B3GALT1: variants seen among roughly 807,000 people sequenced by gnomAD.
The protein encoded by B3GALT1 is UDP-Gal:betaGlcNAc beta 1,3-galactosyltransferase, polypeptide 1.
In B3GALT1, 10 loss-of-function variants were observed where a neutral mutation model predicts 23.2. That is an observed-to-expected ratio of 0.43 (90% CI 0.27 to 0.73). B3GALT1 has a LOEUF of 0.73. Among genes scored for constraint, B3GALT1 ranks in the 30% least tolerant of loss-of-function variants. B3GALT1 has a pLI of 0.21. For synonymous variants in B3GALT1, 156 were observed against 141.5 expected (o/e 1.10, Z -0.73); for missense variants, 299 against 405.4 (o/e 0.74, Z 2.25).
At chr2:167,393,200 C>G (rs902495789) in intron 1 of B3GALT1, among the ~76,000 whole-genome samples, 1 of 150,266 alleles carries the variant, frequency 6.7e-6, no homozygotes, top group Non-Finnish European at 1.5e-5. Flanking sequence ...CGCCACTGCA[C>G]TCCAGCCTGG....
chr2:167,368,260 G>T (rs1274484587), intron 1 of B3GALT1, among the ~76,000 whole-genome samples: 4 of 152,136 alleles, frequency 2.6e-5, no homozygotes, highest in African/African-American at 9.7e-5. Context: ...ATCCTCAATT[G>T]CCTTGGAATT....
At chr2:167,646,245 G>A (rs1342451385) in intron 2 of B3GALT1, among the ~76,000 whole-genome samples, 1 of 152,180 alleles carries the variant, frequency 6.6e-6, no homozygotes, top group Non-Finnish European at 1.5e-5. Flanking sequence ...GCTGTTCTAA[G>A]TGAACCAGCA....
chr2:167,729,705 C>T (rs1297359389), intron 3 of B3GALT1, among the ~76,000 whole-genome samples: 2 of 152,082 alleles, frequency 1.3e-5, no homozygotes, highest in East Asian at 3.9e-4. Context: ...CACATCCATC[C>T]GTCCTTTCTA....
chr2:167,651,279 C>T (rs897221823), intron 3 of B3GALT1, among the ~76,000 whole-genome samples: 4 of 141,138 alleles, frequency 2.8e-5, no homozygotes, highest in South Asian at 2.3e-4. Context: ...TGTGCGCGCA[C>T]GTGCACACAT....
At chr2:167,644,637 A>G (rs1369977493) in intron 2 of B3GALT1, among the ~76,000 whole-genome samples, 6 of 151,816 alleles carry the variant, frequency 4.0e-5, no homozygotes, top group African/African-American at 1.5e-4. Flanking sequence ...AAAATTAGCC[A>G]GGCATGGTGG....
chr2:167,654,631 T>C (rs984969875), intron 3 of B3GALT1, among the ~76,000 whole-genome samples: 2 of 151,862 alleles, frequency 1.3e-5, no homozygotes, highest in African/African-American at 4.8e-5. Context: ...GTAGCTGGGA[T>C]AGCAAGTGTG....
intron 2 of B3GALT1, among the ~76,000 whole-genome samples, chr2:167,590,270 C>T (rs1227958500): frequency 1.3e-5 from 2 of 150,710 alleles, no homozygotes; most frequent in Non-Finnish European, 2.9e-5. Flanking sequence ...GGTGTGAACC[C>T]GGGAGGCAGA....
chr2:167,683,853 CTG>C lies in B3GALT1; in HGVS notation c.-352+36889_-352+36890del, dbSNP rs1031429008. 9.2e-5 allele frequency among the ~76,000 whole-genome samples: 14 copies of C among 152,278 alleles called. 1 individual carries two copies. The highest frequency in any genetic ancestry group is 2.9e-4 in the African/African-American group (12 of 41,562). ...AAAGAACTTAGGAGAATAAGCATAACTGTTATTTTATTTTTTGTGTTTTGGCC... is the reference window on the plus strand; with the variant it reads ...AAAGAACTTAGGAGAATAAGCATAACTTATTTTATTTTTTGTGTTTTGGCC... On this transcript the variant is annotated intron_variant, in intron 3 of 4. Transcript: ENST00000392690.
intron 1 of B3GALT1, among the ~76,000 whole-genome samples, chr2:167,376,300 G>A (rs1275549391): frequency 6.6e-6 from 1 of 151,998 alleles, no homozygotes; most frequent in Non-Finnish European, 1.5e-5. Flanking sequence ...CTGGCTTGTG[G>A]TTTTCTCTTT....
intron 4 of B3GALT1, among the ~76,000 whole-genome samples, chr2:167,867,216 G>A (rs576805902): frequency 1.0e-3 from 159 of 152,220 alleles, no homozygotes; most frequent in Middle Eastern, 3.4e-3. Flanking sequence ...GTGAGCCACC[G>A]CGCCCGGCCG....
intron 2 of B3GALT1, among the ~76,000 whole-genome samples, chr2:167,502,964 G>T (rs1218283617): frequency 1.3e-5 from 2 of 152,080 alleles, no homozygotes; most frequent in Non-Finnish European, 2.9e-5. Flanking sequence ...ACTTGAACCT[G>T]GGAGGCAGAG....
At chr2:167,436,786 G>T (rs188225012) in intron 1 of B3GALT1, among the ~76,000 whole-genome samples, 5 of 152,152 alleles carry the variant, frequency 3.3e-5, no homozygotes, top group Admixed American at 3.3e-4. Flanking sequence ...GAGGGTGCTG[G>T]AATTCACTAT....
chr2:167,425,148 G>A (rs1182011767), intron 1 of B3GALT1, among the ~76,000 whole-genome samples: 3 of 152,174 alleles, frequency 2.0e-5, no homozygotes, highest in Non-Finnish European at 4.4e-5. Flanking sequence ...TGGATGATGG[G>A]CACTTGACAG....
At chr2:167,820,408 G>T (rs932690057) in intron 4 of B3GALT1, among the ~76,000 whole-genome samples, 7 of 152,152 alleles carry the variant, frequency 4.6e-5, no homozygotes, top group Non-Finnish European at 1.0e-4. Flanking sequence ...TTGGGGCTAT[G>T]GGATGTGGGA....
intron 1 of B3GALT1, among the ~76,000 whole-genome samples, chr2:167,298,584 A>G (rs1696393407): frequency 6.6e-6 from 1 of 152,122 alleles, no homozygotes; most frequent in Non-Finnish European, 1.5e-5. Context: ...ACAGATGTAT[A>G]TACTCTATAT....
At chr2:167,755,463 T>A (rs1459326245) in intron 3 of B3GALT1, among the ~76,000 whole-genome samples, 1 of 147,636 alleles carries the variant, frequency 6.8e-6, no homozygotes, top group Non-Finnish European at 1.5e-5. Context: ...AATTCTATGC[T>A]CCAAAATATC....
chr2:167,435,163 A>G (rs902725663), intron 1 of B3GALT1, among the ~76,000 whole-genome samples: 4 of 152,056 alleles, frequency 2.6e-5, no homozygotes, highest in African/African-American at 7.2e-5. Flanking sequence ...AAGACATTTT[A>G]AGAAAGATAC....
rs1390860077 is a variant in B3GALT1 at position 167,497,139 on chromosome 2, CA to C, written c.-410+6867del. 6.6e-5 allele frequency among the ~76,000 whole-genome samples: 10 copies of C among 151,872 alleles called. No homozygotes were observed. The East Asian group carries it at 1.9e-3, about 29-fold the overall frequency. On this transcript the variant is annotated intron_variant, in intron 2 of 4. Transcript: ENST00000392690. Reference sequence around the variant, plus strand: ...TAGCTGGAACTAAGAAAATGGTAAACAAAAAGAGCAATATCTAATAAAGAGA... The same window carrying C: ...TAGCTGGAACTAAGAAAATGGTAAACAAAAGAGCAATATCTAATAAAGAGA...
intron 3 of B3GALT1, among the ~76,000 whole-genome samples, chr2:167,699,380 ATTT>A (rs1169813738): frequency 1.3e-3 from 128 of 100,182 alleles, no homozygotes; most frequent in African/African-American, 4.3e-3. Flanking sequence ...CATTATTTCT[ATTT>A]TTTTTTTTTT....
Sources: gnomAD v4.1 joint callset for allele counts (sites outside exome capture counted in the v4.1 genomes callset) on GRCh38, gnomAD v4.1.1 for gene constraint, MANE v1.5 for transcripts, NCBI Gene and HGNC (gene_info 2026-07-23, HGNC 2026-07-21) for gene names.